The following CAPN2 variants were observed in gnomAD, a reference collection of about 807,000 sequenced individuals.
CAPN2 encodes the protein calpain 2.
A neutral mutation model predicts 102.3 loss-of-function variants in CAPN2; 92 were observed. That is an observed-to-expected ratio of 0.90 (90% CI 0.76 to 1.07). The LOEUF is 1.07. CAPN2 is among the 50% of genes least tolerant of loss of function. The pLI, the probability that CAPN2 is intolerant of heterozygous loss-of-function variation, is 0.00. For synonymous variants in CAPN2, 340 were observed against 355.4 expected, an observed-to-expected ratio of 0.96 and a Z score of 0.49; for missense variants, 800 against 909.4, an observed-to-expected ratio of 0.88 and a Z score of 1.55.
intron 2 of CAPN2, among the ~76,000 whole-genome samples, chr1:223,736,515 A>G (rs1660459796): frequency 6.6e-6 from 1 of 152,144 alleles, no homozygotes. Context: ...CTCAGTTCCA[A>G]CCTAACCAAA....
chr1:223,720,936 T>G (rs1234847901), intron 2 of CAPN2, among the ~76,000 whole-genome samples: 1 of 152,186 alleles, frequency 6.6e-6, no homozygotes, highest in East Asian at 1.9e-4. Flanking sequence ...AAAATTCATC[T>G]TCTCTACCTG....
intron 3 of CAPN2, among the ~76,000 whole-genome samples, chr1:223,745,027 G>A (rs1198623878): frequency 6.9e-6 from 1 of 145,140 alleles, no homozygotes; most frequent in Non-Finnish European, 1.5e-5. Flanking sequence ...CCTGGGCAGA[G>A]CAAGACTTGG....
At position 223,702,683 on chromosome 1, in the gene CAPN2, C is replaced by T. The variant is rs143885488; in HGVS notation, c.3+852C>T. Among the ~76,000 whole-genome samples, 1,203 of 152,234 alleles carry T rather than the reference C, an allele frequency of 7.9e-3. 13 individuals are homozygous for T. The highest frequency in any genetic ancestry group is 0.031 in the Middle Eastern group (9 of 294). ...ACCCACCTCCCAGAGAGAGAAGCAG[C>T]CCGGCCAGTGGAAGTGTCCTGGTGA... is the stretch of plus-strand genomic sequence containing the variant. On this transcript the variant is annotated intron_variant, in intron 1 of 20. Coordinates refer to the CAPN2 transcript ENST00000433674.
At chr1:223,734,443 A>G (rs1660401824) in intron 2 of CAPN2, among the ~76,000 whole-genome samples, 1 of 151,960 alleles carries the variant, frequency 6.6e-6, no homozygotes, top group Admixed American at 6.6e-5. Flanking sequence ...ACACCAGGAC[A>G]CCTCGCCCAG....
rs753591004 is a variant in CAPN2 at position 223,762,270 on chromosome 1, G to C, written c.1632+19G>C. 10 of 1,589,610 alleles carry C rather than the reference G, an allele frequency of 6.3e-6. No individual in the cohort carries two copies. Among genetic ancestry groups the C allele is most frequent in the Middle Eastern group, 1.7e-4 (1 of 6,050 alleles). ...AGGAGAGGTAAATGTTCCCAAAAAC[G>C]ATGTTATGCACTCTGGTTGATGCAA... is the stretch of plus-strand genomic sequence containing the variant. On this transcript the variant is annotated intron_variant, in intron 14 of 20. Coordinates refer to ENST00000295006, the MANE Select transcript of CAPN2 (RefSeq NM_001748.5).
chr1:223,741,436 A>AAATG (rs1553254330), intron 2 of CAPN2, among the ~76,000 whole-genome samples: 1 of 124,278 alleles, frequency 8.0e-6, no homozygotes, highest in Non-Finnish European at 1.5e-5. Flanking sequence ...TATATATATA[A>AAATG]TGTGTATATA....
At position 223,755,358 on chromosome 1, in the gene CAPN2, C is replaced by G; in HGVS notation, c.1136-122C>G. On this transcript the variant is annotated intron_variant, in intron 9 of 20. Transcript: ENST00000295006. This position sits in a 1 kb window ranked among gnomAD's most constrained non-coding sequence, Gnocchi z 4.1. Reference sequence around the variant, plus strand: ...ACCACCTCTTACCATCTCCCACCACCTCCCACCATCTCCCTTTATCTCCAT... The same window carrying G: ...ACCACCTCTTACCATCTCCCACCACGTCCCACCATCTCCCTTTATCTCCAT... 1 of 914,888 alleles carries G rather than the reference C, an allele frequency of 1.1e-6. No individual in the cohort carries two copies. The highest frequency in any genetic ancestry group is 1.7e-6 in the Non-Finnish European group (1 of 592,340). 56.7% of individuals were successfully genotyped at this position (914,888 alleles called of 1,614,324 possible). A position where few individuals can be genotyped will look rare whatever the true frequency, so the allele number is the denominator to read the frequency against.
chr1:223,712,107 C>G (rs28370005), upstream of CAPN2, among the ~76,000 whole-genome samples: 1 of 152,292 alleles, frequency 6.6e-6, no homozygotes, highest in South Asian at 2.1e-4. Context: ...TCTTCAGAGT[C>G]GCTGGGAGGA....
chr1:223,708,349 G>T (rs562514382), upstream of CAPN2, among the ~76,000 whole-genome samples: 1 of 151,590 alleles, frequency 6.6e-6, no homozygotes. Context: ...CACTTGAACC[G>T]GGAGGCGGAG....
chr1:223,743,045 T>A (rs751609), intron 2 of CAPN2, among the ~76,000 whole-genome samples: 35,855 of 152,126 alleles, frequency 0.24, 7,212 homozygotes, highest in African/African-American at 0.55. Flanking sequence ...GTGCTGTTGC[T>A]GGCATCAGCT....
rs561576423 is a variant in CAPN2, at chr1:223,717,843, A to T, written c.307+12A>T. ...CCAAGGAGCCCTGGGTAAGTGATAGATTCAGAGCAAGCTGGGGGATCTTGT... is the reference window on the plus strand; with the variant it reads ...CCAAGGAGCCCTGGGTAAGTGATAGTTTCAGAGCAAGCTGGGGGATCTTGT... On this transcript the variant is annotated intron_variant, in intron 2 of 20. Transcript: ENST00000295006. 17 of 1,606,022 alleles carry T rather than the reference A, an allele frequency of 1.1e-5. No individual in the cohort carries two copies. Among genetic ancestry groups the T allele is most frequent in the Non-Finnish European group, 1.4e-5 (16 of 1,172,514 alleles).
chr1:223,724,454 A>T (rs1243082138), intron 2 of CAPN2, among the ~76,000 whole-genome samples: 1 of 152,180 alleles, frequency 6.6e-6, no homozygotes, highest in Non-Finnish European at 1.5e-5. Context: ...ACTGCTCCAA[A>T]CAGCAGCACT....
chr1:223,764,081 G>T, intron 14 of CAPN2, 69 bp from the exon 15 acceptor site: 1 of 1,222,894 alleles, frequency 8.2e-7, no homozygotes, highest in African/African-American at 1.5e-5. Flanking sequence ...TAATGCACTG[G>T]TGTCCTGCCC....
rs1661028930 is a variant in CAPN2 at position 223,756,107 on chromosome 1, T to C, written c.1305+458T>C. 6.6e-6 allele frequency among the ~76,000 whole-genome samples: 1 copy of C among 152,136 alleles called. No individual in the cohort carries two copies. Among genetic ancestry groups the C allele is most frequent in the African/African-American group, 2.4e-5 (1 of 41,432 alleles). On this transcript the variant is annotated intron_variant, in intron 10 of 20. Transcript: ENST00000295006. The surrounding 1 kb of genome is among the most constrained non-coding windows in gnomAD (Gnocchi z 4.1). ...GGGGACAGGGGAACATTGGTCATGA[T>C]GCTCCCCCCAGGGCTCTGATGGCTG...
At chr1:223,711,932 A>G (rs1659738971), upstream of CAPN2, among the ~76,000 whole-genome samples, 1 of 152,168 alleles carries the variant, frequency 6.6e-6, no homozygotes, top group Admixed American at 6.5e-5. Context: ...TCTATAATCA[A>G]ATAAACAGCT....
intron 13 of CAPN2, 22 bp from the exon 14 acceptor site, chr1:223,762,164 A>G: frequency 6.2e-7 from 1 of 1,610,052 alleles, no homozygotes; most frequent in Non-Finnish European, 8.5e-7. Context: ...ATGCATTCTC[A>G]TGTCTCTGCC....
chr1:223,758,306 T>G (rs1661090164), intron 11 of CAPN2: 1 of 152,206 alleles, frequency 6.6e-6, no homozygotes, highest in Admixed American at 6.5e-5. Context: ...TCACGATTAT[T>G]AAAGTAGACA....
In CAPN2 at chr1:223,725,621, T is replaced by G. The variant is rs1457291745; in HGVS notation, c.307+7790T>G. 3.9e-5 allele frequency among the ~76,000 whole-genome samples: 6 copies of G among 152,156 alleles called. No individual in the cohort carries two copies. The highest frequency in any genetic ancestry group is 1.4e-4 in the African/African-American group (6 of 41,438). On this transcript the variant is annotated intron_variant, in intron 2 of 20. Transcript: ENST00000295006. The surrounding 1 kb of genome is among the most constrained non-coding windows in gnomAD (Gnocchi z 4.1). ...CCGACTGGGTCCCAGCTTTAGCACT[T>G]GACATTGGCGGCCACCTAAGTTTTG...
At chr1:223,723,786 C>A (rs1660119827) in intron 2 of CAPN2, among the ~76,000 whole-genome samples, 1 of 151,574 alleles carries the variant, frequency 6.6e-6, no homozygotes. Flanking sequence ...ACATCAGATG[C>A]CTGAAGAACA....
Sources: gnomAD v4.1 joint callset for allele counts (sites outside exome capture counted in the v4.1 genomes callset) on GRCh38, gnomAD v4.1.1 for gene constraint, Gnocchi (gnomAD v3.1) non-coding constraint, MANE v1.5 for transcripts, NCBI Gene and HGNC (gene_info 2026-07-23, HGNC 2026-07-21) for gene names.